Variants in UCKL1 observed in about 807,000 individuals in gnomAD.
UCKL1 encodes uridine-cytidine kinase-like 1.
A neutral mutation model predicts 59.2 loss-of-function variants in UCKL1; 65 were observed. The ratio of observed to expected loss-of-function variants is 1.10; its 90% confidence interval spans 0.90 to 1.35. The LOEUF (loss-of-function observed/expected upper bound fraction) is 1.35, where lower values mean the gene tolerates loss of function less well. UCKL1 is among the 40% of genes most tolerant of loss of function. The probability of loss-of-function intolerance (pLI) is 0.00; values close to 1 mark genes in which losing one functional copy is unlikely to be tolerated. For synonymous variants in UCKL1, 410 were observed against 323.1 expected (o/e 1.27, Z -2.88); for missense variants, 703 against 784.3 (o/e 0.90, Z 1.24).
At chr20:63,942,980 C>T (rs1019220072) in intron 8 of UCKL1, among the ~76,000 whole-genome samples, 1 of 152,184 alleles carries the variant, frequency 6.6e-6, no homozygotes, top group African/African-American at 2.4e-5. Flanking sequence ...AATGTGAGGG[C>T]TCTCCCTCCA....
At chr20:63,944,238 TCTGA>T (rs1421526446) in intron 7 of UCKL1, among the ~76,000 whole-genome samples, 155 bp downstream of exon 7, 2 of 152,098 alleles carry the variant, frequency 1.3e-5, no homozygotes, top group African/African-American at 4.8e-5. Flanking sequence ...GGCTGGACAA[TCTGA>T]CTGGCCAAGC....
chr20:63,945,521 G>T (rs1004957555), intron 5 of UCKL1, 130 bp downstream of exon 5: 1 of 919,706 alleles, frequency 1.1e-6, no homozygotes, highest in Non-Finnish European at 1.6e-6. Flanking sequence ...TGGGGTTGGG[G>T]TAGGGAGTGG....
intron 8 of UCKL1, chr20:63,942,417 A>AG: frequency 8.5e-7 from 1 of 1,173,530 alleles, no homozygotes; most frequent in Non-Finnish European, 1.1e-6. Flanking sequence ...CAGCGGGGCA[A>AG]GGGGCTACGG....
In UCKL1 at chr20:63,945,735, C is replaced by G; in HGVS notation, c.583-13G>C. 6.2e-7 allele frequency: 1 copy of G among 1,612,868 alleles called. No homozygotes were observed. Among genetic ancestry groups the G allele is most frequent in the Non-Finnish European group, 8.5e-7 (1 of 1,179,570 alleles). ...CATACAGTGTTTTCTGTGAAGAAAC[C>G]CAGGAGTTGCGGAGCCTGGCTCATG... is the stretch of plus-strand genomic sequence containing the variant. On this transcript the variant is annotated splice_polypyrimidine_tract_variant and intron_variant, in intron 4 of 14. Transcript: ENST00000354216.
chr20:63,950,321 T>C (rs1380583503), intron 1 of UCKL1, among the ~76,000 whole-genome samples: 1 of 152,178 alleles, frequency 6.6e-6, no homozygotes, highest in Non-Finnish European at 1.5e-5. Context: ...GCTCATGCCT[T>C]GAACAGTCCT....
intron 1 of UCKL1, 58 bp from the exon 2 acceptor site, chr20:63,946,701 CTGGCA>C (rs2056325762): frequency 6.5e-7 from 1 of 1,537,456 alleles, no homozygotes; most frequent in Non-Finnish European, 8.7e-7. Flanking sequence ...CAGGTACCCG[CTGGCA>C]TGGCCGGCCC....
chr20:63,952,697 G>A (rs2057850521), intron 1 of UCKL1, among the ~76,000 whole-genome samples: 1 of 152,244 alleles, frequency 6.6e-6, no homozygotes, highest in African/African-American at 2.4e-5. Flanking sequence ...CCTTGCAGGT[G>A]GGGCTGTCTG....
Position 63,941,104 on chromosome 20 carries a change from C to G in UCKL1, c.1022+6G>C. 2 of 1,599,676 alleles carry G rather than the reference C, an allele frequency of 1.3e-6. No individual in the cohort carries two copies. The highest frequency in any genetic ancestry group is 1.7e-6 in the Non-Finnish European group (2 of 1,175,052). On this transcript the variant is annotated splice_donor_region_variant and intron_variant, in intron 9 of 14. Coordinates refer to ENST00000354216, the MANE Select transcript of UCKL1 (RefSeq NM_017859.4). ...GGGGCCGCCCCGTCCCCAGGTGGGC[C>G]CTCACCTGATGATGGTGTGCATGCC...
chr20:63,940,291 C>T lies in UCKL1; in HGVS notation c.1426G>A (p.Glu476Lys), dbSNP rs749803895. ...AGCGACAGCAAAAAGATCTTGTCCT[C>T]AGGCACGTCGTGGTCCTACCGAGTG... ...VRVLLDHDVP[E>K]DKIFLLSLLM... The change falls in exon 14 of 15, where the codon GAG (glutamate) becomes AAG (lysine). Residue 476 changes from glutamate to lysine, a missense_variant. Coordinates refer to ENST00000354216, the MANE Select transcript of UCKL1 (RefSeq NM_017859.4). 6.2e-7 allele frequency: 1 copy of T among 1,612,704 alleles called. No homozygotes were observed. Among genetic ancestry groups the T allele is most frequent in the Non-Finnish European group, 8.5e-7 (1 of 1,179,982 alleles).
chr20:63,944,268 A>C (rs1217048306), intron 7 of UCKL1, 129 bp downstream of exon 7: 1 of 908,752 alleles, frequency 1.1e-6, no homozygotes, highest in East Asian at 2.6e-5. Flanking sequence ...CAGGACACTC[A>C]GGGCTGGCAC....
At chr20:63,951,971 G>A (rs981650979) in intron 1 of UCKL1, among the ~76,000 whole-genome samples, 8 of 152,194 alleles carry the variant, frequency 5.3e-5, no homozygotes, top group Non-Finnish European at 7.3e-5. Flanking sequence ...TAGTACTGAG[G>A]CAGGGGCTGC....
In UCKL1 at chr20:63,946,503, G is replaced by A. The variant is rs199569992; in HGVS notation, c.254C>T (p.Pro85Leu). The change falls in exon 2 of 15, where the codon CCG becomes CTG. Residue 85 changes from proline to leucine, a missense_variant. Transcript: ENST00000354216. ...CGTGCCGTGTTCATTGTACCAGGGCGGCCGCCCGGCGGTGTAGATGGTACG... is the reference window on the plus strand; with the variant it reads ...CGTGCCGTGTTCATTGTACCAGGGCAGCCGCCCGGCGGTGTAGATGGTACG... ...SKRTIYTAGR[P>L]PWYNEHGTQS... is the part of the protein sequence containing the mutation. The A allele has an allele frequency of 1.2e-4, 194 of 1,592,094 alleles. 1 individual carries two copies. The highest frequency in any genetic ancestry group is 2.5e-4 in the South Asian group (22 of 88,004).
intron 1 of UCKL1, chr20:63,954,983 G>C (rs2058331415): frequency 6.6e-6 from 1 of 152,270 alleles, no homozygotes; most frequent in African/African-American, 2.4e-5. Context: ...GGGCGCGGTG[G>C]CTCACGCCTG....
chr20:63,948,597 G>GGGCGTGTGTGAGAGGGAGT, intron 1 of UCKL1: 6 of 156,716 alleles, frequency 3.8e-5, no homozygotes, highest in African/African-American at 1.2e-4. Flanking sequence ...GAGAGGGAGG[G>GGGCGTGTGTGAGAGGGAGT]GGCGTGTGTG....
chr20:63,950,060 C>T (rs959411402), intron 1 of UCKL1, among the ~76,000 whole-genome samples: 3 of 152,244 alleles, frequency 2.0e-5, no homozygotes, highest in Non-Finnish European at 4.4e-5. Context: ...CTGAGGCACA[C>T]GCTGCTGACA....
chr20:63,943,770 C>T (rs2146460358), intron 7 of UCKL1, 101 bp from the exon 8 acceptor site: 2 of 1,557,908 alleles, frequency 1.3e-6, no homozygotes, highest in Non-Finnish European at 1.8e-6. Flanking sequence ...TGCTGCAGGC[C>T]CGCGGGGACA....
chr20:63,944,661 C>A lies in UCKL1; in HGVS notation c.728G>T (p.Ser243Ile), dbSNP rs1277381919. Residue 243 changes from serine to isoleucine, a missense_variant, in exon 6 of 15, where the codon AGT becomes ATT. Ser to Ile is a moderately radical substitution (Grantham distance 142). This residue lies in a region of UCKL1 where 398 missense variants were observed against 373.0 expected (regional missense o/e 1.07). Coordinates refer to ENST00000354216, the MANE Select transcript of UCKL1 (RefSeq NM_017859.4). The part of the protein sequence containing the change: ...RLVRRLRRDI[S>I]ERGRDIEGVI... ...ACCCTCGATGTCCCGGCCGCGCTCA[C>A]TGATGTCCCGGCGCAGCCGCCGTAC... 2 of 1,612,720 alleles carry A rather than the reference C, an allele frequency of 1.2e-6. No homozygotes were observed. Among genetic ancestry groups the A allele is most frequent in the Non-Finnish European group, 1.7e-6 (2 of 1,179,960 alleles).
chr20:63,956,015 G>C (rs923712134), intron 1 of UCKL1: 6 of 384,854 alleles, frequency 1.6e-5, no homozygotes, highest in Admixed American at 9.9e-5. Context: ...GGTCAACGCT[G>C]GGGGTGCGCA....
chr20:63,951,359 G>A (rs937554299), intron 1 of UCKL1, among the ~76,000 whole-genome samples: 1 of 152,130 alleles, frequency 6.6e-6, no homozygotes, highest in African/African-American at 2.4e-5. Context: ...CCGTGTGCCT[G>A]CACCCCTCCT....
Sources: gnomAD v4.1 joint callset for allele counts (sites outside exome capture counted in the v4.1 genomes callset) on GRCh38, gnomAD v4.1.1 for gene constraint, gnomAD v4.1.1 regional missense constraint, MANE v1.5 for transcripts, NCBI Gene and HGNC (gene_info 2026-07-23, HGNC 2026-07-21) for gene names.